The following IL15 variants were observed in gnomAD, a reference collection of about 807,000 sequenced individuals.
IL15 encodes the protein interleukin 15.
In IL15, 11 loss-of-function variants were observed where a neutral mutation model predicts 19.6. The observed-to-expected ratio is 0.56, with a 90% CI of 0.35 to 0.93. The LOEUF (loss-of-function observed/expected upper bound fraction) is 0.93, where lower values mean the gene tolerates loss of function less well. Among genes scored for constraint, IL15 ranks in the 40% least tolerant of loss-of-function variants. The pLI is 0.01. For missense variants in IL15, 197 were observed against 186.5 expected (o/e 1.06, Z -0.33); for synonymous variants, 58 against 59.6 (o/e 0.97, Z 0.12).
At chr4:141,727,274 G>A (rs1730296289) in intron 5 of IL15, among the ~76,000 whole-genome samples, 1 of 152,028 alleles carries the variant, frequency 6.6e-6, no homozygotes, top group South Asian at 2.1e-4. Flanking sequence ...GGGAAACTGG[G>A]GTGGAGAACA....
intron 2 of IL15, among the ~76,000 whole-genome samples, chr4:141,673,645 G>A (rs1041297580): frequency 1.3e-5 from 2 of 152,136 alleles, no homozygotes; most frequent in South Asian, 2.1e-4. Flanking sequence ...GAACACACGT[G>A]AAATAATGTA....
At chr4:141,651,387 A>G (rs1387408639) in intron 1 of IL15, among the ~76,000 whole-genome samples, 2 of 152,118 alleles carry the variant, frequency 1.3e-5, no homozygotes, top group East Asian at 3.9e-4. Context: ...ATGTGTACAC[A>G]TGGACATAGA....
intron 1 of IL15, among the ~76,000 whole-genome samples, chr4:141,639,497 G>T (rs1189366048): frequency 6.6e-6 from 1 of 152,132 alleles, no homozygotes; most frequent in African/African-American, 2.4e-5. Context: ...ATCACTTTCT[G>T]CTGAAAGAGC....
intron 2 of IL15, among the ~76,000 whole-genome samples, chr4:141,699,657 T>C (rs186505304): frequency 1.3e-5 from 2 of 152,190 alleles, no homozygotes; most frequent in Non-Finnish European, 2.9e-5. Context: ...CTCTTGTTTT[T>C]TGTTTCCACT....
At position 141,725,783 on chromosome 4, in the gene IL15, C is replaced by T. The variant is rs143371693; in HGVS notation, c.196-2157C>T. 1.5e-4 allele frequency among the ~76,000 whole-genome samples: 23 copies of T among 152,266 alleles called. No individual in the cohort carries two copies. The East Asian group carries it at 4.4e-3, about 29-fold the overall frequency. On this transcript the variant is annotated intron_variant, in intron 5 of 7. Coordinates refer to ENST00000320650, the MANE Select transcript of IL15 (RefSeq NM_000585.5). The stretch of plus-strand genomic sequence containing the variant: ...ATCTTCTCTCACCACTTTTACTCAA[C>T]ATAATTGTCTGAGTTTTCTGTTGCT...
chr4:141,688,680 A>C lies in IL15; in HGVS notation c.-99-30686A>C, dbSNP rs966987516. On this transcript the variant is annotated intron_variant, in intron 2 of 7. Transcript: ENST00000320650. The stretch of plus-strand genomic sequence containing the variant: ...TTAGACCATTGCATTATATATCTCT[A>C]GTTCTGCCATCTCTTGAGCTTCTAA... 3 of 152,254 alleles carry C rather than the reference A, an allele frequency of 2.0e-5. 1 individual carries two copies. The South Asian group carries it at 6.2e-4, about 32-fold the overall frequency. 9.4% of individuals were successfully genotyped at this position (152,254 alleles called of 1,614,324 possible).
chr4:141,687,482 C>G (rs973625746), intron 2 of IL15, among the ~76,000 whole-genome samples: 2 of 152,120 alleles, frequency 1.3e-5, no homozygotes, highest in African/African-American at 4.8e-5. Context: ...CAGGCTAGGA[C>G]CACTCTCCAC....
chr4:141,705,335 C>T (rs558597402), intron 2 of IL15, among the ~76,000 whole-genome samples: 91 of 151,206 alleles, frequency 6.0e-4, no homozygotes, highest in Non-Finnish European at 1.1e-3. Flanking sequence ...CCTCATTGAC[C>T]CATTGGTTAT....
At chr4:141,670,518 C>T (rs756241274) in intron 2 of IL15, among the ~76,000 whole-genome samples, 13 of 152,094 alleles carry the variant, frequency 8.5e-5, no homozygotes, top group Non-Finnish European at 1.3e-4. Context: ...TTTATTTATT[C>T]CCTTAATTCA....
At chr4:141,648,826 T>C (rs1004229671) in intron 1 of IL15, among the ~76,000 whole-genome samples, 3 of 152,106 alleles carry the variant, frequency 2.0e-5, no homozygotes, top group Non-Finnish European at 2.9e-5. Context: ...CTGCAACTTA[T>C]AAAGCATGGC....
At chr4:141,682,975 C>CA (rs1235531444) in intron 2 of IL15, among the ~76,000 whole-genome samples, 3 of 151,640 alleles carry the variant, frequency 2.0e-5, no homozygotes, top group African/African-American at 7.3e-5. Flanking sequence ...AACAAACAAA[C>CA]AAAAAACAAT....
At chr4:141,637,784 A>G (rs1726906604) in intron 1 of IL15, among the ~76,000 whole-genome samples, 1 of 152,200 alleles carries the variant, frequency 6.6e-6, no homozygotes, top group Admixed American at 6.5e-5. Context: ...TTTTTAAACT[A>G]CTATCTAATA....
At chr4:141,694,178 C>T (rs1268811532) in intron 2 of IL15, among the ~76,000 whole-genome samples, 3 of 152,214 alleles carry the variant, frequency 2.0e-5, no homozygotes, top group South Asian at 2.1e-4. Context: ...TGGAAGTCCT[C>T]TGGTGAGTCC....
intron 1 of IL15, among the ~76,000 whole-genome samples, chr4:141,645,637 C>G (rs1043169043): frequency 2.0e-5 from 3 of 152,044 alleles, no homozygotes; most frequent in African/African-American, 4.8e-5. Flanking sequence ...ATAGACTACC[C>G]CAACACTTAG....
At chr4:141,669,129 C>T (rs957619026) in intron 2 of IL15, among the ~76,000 whole-genome samples, 1 of 152,024 alleles carries the variant, frequency 6.6e-6, no homozygotes, top group Admixed American at 6.6e-5. Flanking sequence ...TAAAAAGTTG[C>T]TGTAACAAAA....
At chr4:141,678,314 C>A (rs1241980764) in intron 2 of IL15, among the ~76,000 whole-genome samples, 1 of 152,090 alleles carries the variant, frequency 6.6e-6, no homozygotes, top group Non-Finnish European at 1.5e-5. Flanking sequence ...ACCTTATGAA[C>A]GTACTTAAAA....
intron 1 of IL15, among the ~76,000 whole-genome samples, chr4:141,647,894 T>A (rs1727283493): frequency 6.6e-6 from 1 of 152,068 alleles, no homozygotes; most frequent in Non-Finnish European, 1.5e-5. Context: ...TTATCTGTGT[T>A]CATATTGCCT....
chr4:141,728,117 A>G, intron 6 of IL15, 133 bp downstream of exon 6: 3 of 543,894 alleles, frequency 5.5e-6, no homozygotes, highest in Non-Finnish European at 6.4e-6. Context: ...ATGGTCAATG[A>G]GTTTTATTAG....
intron 3 of IL15, among the ~76,000 whole-genome samples, chr4:141,720,091 T>C (rs1455926258): frequency 6.6e-6 from 1 of 152,106 alleles, no homozygotes; most frequent in African/African-American, 2.4e-5. Context: ...TGCATGTTAT[T>C]AACCTGTGCT....
Sources: gnomAD v4.1 joint callset for allele counts (sites outside exome capture counted in the v4.1 genomes callset) on GRCh38, gnomAD v4.1.1 for gene constraint, MANE v1.5 for transcripts, NCBI Gene and HGNC (gene_info 2026-07-23, HGNC 2026-07-21) for gene names.